Variants in RAPGEF1 observed in about 807,000 individuals in gnomAD.
The protein encoded by RAPGEF1 is CRK SH3-binding GNRP.
Under a neutral mutation model 143.3 loss-of-function variants are expected in RAPGEF1, and 33 were observed. The ratio of observed to expected loss-of-function variants is 0.23; its 90% CI spans 0.17 to 0.31. RAPGEF1 has a LOEUF of 0.31. Ranked by LOEUF, RAPGEF1 falls within the 10% of genes least tolerant of loss-of-function variation. The pLI is 1.00. For missense variants in RAPGEF1, 1,199 were observed against 1,645.4 expected, an observed-to-expected ratio of 0.73 and a Z score of 4.69; for synonymous variants, 629 against 676.5, an observed-to-expected ratio of 0.93 and a Z score of 1.09.
intron 1 of RAPGEF1, among the ~76,000 whole-genome samples, chr9:131,720,430 G>A (rs72759881): frequency 0.11 from 16,456 of 152,112 alleles, 1,095 homozygotes; most frequent in Non-Finnish European, 0.16. Flanking sequence ...ACCTCTACCA[G>A]CAGTGTCACC....
intron 10 of RAPGEF1, 21 bp downstream of exon 10, chr9:131,625,901 A>C (rs749956765): frequency 6.5e-7 from 1 of 1,529,920 alleles, no homozygotes; most frequent in Non-Finnish European, 8.8e-7. Flanking sequence ...ACTTCCTGAC[A>C]ACAGTGCAAC....
chr9:131,591,970 C>T, intron 18 of RAPGEF1, 129 bp downstream of exon 18: 1 of 668,442 alleles, frequency 1.5e-6, no homozygotes, highest in Non-Finnish European at 2.6e-6. Flanking sequence ...GCTCCTGTGT[C>T]CCTACTTCAA....
At chr9:131,593,321 G>A (rs531903429) in intron 17 of RAPGEF1, among the ~76,000 whole-genome samples, 1 of 152,320 alleles carries the variant, frequency 6.6e-6, no homozygotes, top group South Asian at 2.1e-4. Flanking sequence ...CAACTGTGCT[G>A]TCTCTGATAT....
At chr9:131,590,088 C>T in intron 18 of RAPGEF1, 110 bp from the exon 19 acceptor site, 1 of 946,546 alleles carries the variant, frequency 1.1e-6, no homozygotes, top group South Asian at 1.3e-5. Flanking sequence ...CATCTTCCTG[C>T]ATGTAAAGCA....
At chr9:131,714,056 T>C (rs1835691142) in intron 1 of RAPGEF1, among the ~76,000 whole-genome samples, 1 of 152,120 alleles carries the variant, frequency 6.6e-6, no homozygotes, top group Admixed American at 6.5e-5. Context: ...AGGAATAATT[T>C]TTTTTTTTAA....
chr9:131,663,448 T>C (rs1564652181), intron 1 of RAPGEF1, among the ~76,000 whole-genome samples: 1 of 147,868 alleles, frequency 6.8e-6, no homozygotes, highest in Admixed American at 6.8e-5. Context: ...TCAGATTCTC[T>C]ATAGCTTTTT....
At chr9:131,670,412 C>T (rs1831184745) in intron 1 of RAPGEF1, among the ~76,000 whole-genome samples, 1 of 152,112 alleles carries the variant, frequency 6.6e-6, no homozygotes, top group African/African-American at 2.4e-5. Context: ...GGTGTAGGCT[C>T]CTCTTCCCCC....
In RAPGEF1 at chr9:131,605,109, G is replaced by A. The variant is rs1956902189; in HGVS notation, c.2141C>T (p.Thr714Ile). ...TGGGAAATGTGGAGAGGAAGAGGAG[G>A]TAGGCGGAAGGAAAGGCGGAACGGA... The part of the protein sequence containing the change: ...QASVPPFLPP[T>I]SSSSPHFPPA... Residue 714 changes from threonine to isoleucine, a missense_variant, in exon 13 of 27, where the codon ACC (threonine) becomes ATC (isoleucine). Physicochemically the swap from Thr to Ile is moderately conservative, Grantham distance 89. This residue lies in a region of RAPGEF1 where 293 missense variants were observed against 356.2 expected (regional missense o/e 0.82). Coordinates refer to ENST00000683357, the MANE Select transcript of RAPGEF1 (RefSeq NM_001377935.1). 7.3e-7 allele frequency: 1 copy of A among 1,364,888 alleles called. No homozygotes were observed. Among genetic ancestry groups the A allele is most frequent in the South Asian group, 1.1e-5 (1 of 87,500 alleles). 84.5% of individuals were successfully genotyped at this position (1,364,888 alleles called of 1,614,324 possible).
At chr9:131,623,334 G>A (rs75053757) in intron 10 of RAPGEF1, among the ~76,000 whole-genome samples, 3,382 of 152,272 alleles carry the variant, frequency 0.022, 36 homozygotes, top group Non-Finnish European at 0.033. Context: ...AGCAATGGTG[G>A]TATGTGCCTA....
intron 6 of RAPGEF1, 32 bp from the exon 7 acceptor site, chr9:131,629,286 A>C (rs1372459202): frequency 6.2e-7 from 1 of 1,602,282 alleles, no homozygotes; most frequent in South Asian, 1.1e-5. Context: ...GGGGTTACAG[A>C]AGGTCAAAGG....
intron 12 of RAPGEF1, among the ~76,000 whole-genome samples, chr9:131,618,000 T>A (rs1959320189): frequency 6.6e-6 from 1 of 152,218 alleles, no homozygotes; most frequent in Non-Finnish European, 1.5e-5. Flanking sequence ...AGCAGTAAAC[T>A]GTTTACCCAA....
At chr9:131,634,713 CAAAAAAAAAAAAAAA>C (rs35405559) in intron 5 of RAPGEF1, among the ~76,000 whole-genome samples, 2 of 61,222 alleles carry the variant, frequency 3.3e-5, no homozygotes, top group East Asian at 5.5e-4. Context: ...GACTCCGTCT[CAAAAAAAAAAAAAAA>C]AAAAAAAAAA....
At chr9:131,712,770 T>G (rs191859885) in intron 1 of RAPGEF1, among the ~76,000 whole-genome samples, 57 of 151,970 alleles carry the variant, frequency 3.8e-4, no homozygotes, top group Admixed American at 1.7e-3. Context: ...ACATTTTTCC[T>G]TGAGAGAACA....
chr9:131,648,462 G>A (rs940153781), intron 3 of RAPGEF1, among the ~76,000 whole-genome samples: 5 of 152,132 alleles, frequency 3.3e-5, no homozygotes, highest in Admixed American at 2.0e-4. Context: ...TTGAGTGGCC[G>A]AACAGTTTCA....
rs2132243536 is a variant in RAPGEF1 at position 131,589,006 on chromosome 9, A to G, written c.2868-20T>C. On this transcript the variant is annotated intron_variant, in intron 19 of 26. Coordinates refer to ENST00000683357, the MANE Select transcript of RAPGEF1 (RefSeq NM_001377935.1). Reference sequence around the variant, plus strand: ...ACCAGGCTGAAGGACAAAAGAGCACAAGGTGAGGAGCAGGAACGCAAGGCC... The same window carrying G: ...ACCAGGCTGAAGGACAAAAGAGCACGAGGTGAGGAGCAGGAACGCAAGGCC... 2 of 1,608,820 alleles carry G rather than the reference A, an allele frequency of 1.2e-6. No individual in the cohort carries two copies. Among genetic ancestry groups the G allele is most frequent in the South Asian group, 2.2e-5 (2 of 90,566 alleles).
chr9:131,687,856 A>G (rs1302478273), intron 1 of RAPGEF1, among the ~76,000 whole-genome samples: 1 of 152,198 alleles, frequency 6.6e-6, no homozygotes, highest in Admixed American at 6.5e-5. Flanking sequence ...TAACCTGTCA[A>G]TCTTGATACT....
intron 1 of RAPGEF1, among the ~76,000 whole-genome samples, chr9:131,678,592 A>G (rs1000167025): frequency 3.9e-5 from 6 of 152,182 alleles, no homozygotes; most frequent in Non-Finnish European, 7.4e-5. Flanking sequence ...GTTCCTCCCC[A>G]TCTATTTTTG....
chr9:131,696,857 T>C lies in RAPGEF1; in HGVS notation c.61+42913A>G, dbSNP rs549119338. ...GATTTACAATATAAACACAACAACA[T>C]GTGAAGGTGCTATAATAACATTAAC... On this transcript the variant is annotated intron_variant, in intron 1 of 26. Coordinates refer to ENST00000683357, the MANE Select transcript of RAPGEF1 (RefSeq NM_001377935.1). Among the ~76,000 whole-genome samples the C allele has an allele frequency of 1.8e-4, 28 of 152,272 alleles. 2 individuals carry two copies. The South Asian group carries it at 5.2e-3, about 28-fold the overall frequency.
rs1271079031 is a variant in RAPGEF1, at chr9:131,579,173, G to T, written c.*324C>A. 2 of 286,222 alleles carry T rather than the reference G, an allele frequency of 7.0e-6. No individual in the cohort carries two copies. Among genetic ancestry groups the T allele is most frequent in the Non-Finnish European group, 1.3e-5 (2 of 148,400 alleles). The allele number at this position is 286,222 out of a possible 1,614,324, so 17.7% of individuals were successfully genotyped here. ...TGAGGTCTCTGCTGCTCTCTCCCTG[G>T]AGGGGAGTGGGTGGAAGGTCAAGAG... is the stretch of plus-strand genomic sequence containing the variant. On this transcript the variant is annotated 3_prime_UTR_variant, in exon 27 of 27. Coordinates refer to ENST00000683357, the MANE Select transcript of RAPGEF1 (RefSeq NM_001377935.1).
Sources: allele counts gnomAD v4.1 joint callset (sites outside exome capture counted in the v4.1 genomes callset), GRCh38; gene constraint gnomAD v4.1.1; regional missense constraint gnomAD v4.1.1; transcripts MANE v1.5; gene names NCBI Gene and HGNC (gene_info 2026-07-23, HGNC 2026-07-21).